LSM14A: variants seen among roughly 807,000 people sequenced by gnomAD.
LSM14A encodes the protein protein LSM14 homolog A.
LSM14A carries 14 observed loss-of-function variants against 52.4 expected under a neutral mutation model. That is an observed-to-expected ratio of 0.27 (90% CI 0.18 to 0.42). The LOEUF is 0.42. Among genes scored for constraint, LSM14A ranks in the 10% least tolerant of loss-of-function variants. The pLI is 1.00. For synonymous variants in LSM14A, 185 were observed against 200.3 expected, an observed-to-expected ratio of 0.92 and a Z score of 0.64; for missense variants, 417 against 581.8, an observed-to-expected ratio of 0.72 and a Z score of 2.91.
intron 6 of LSM14A, among the ~76,000 whole-genome samples, chr19:34,218,825 A>T (rs2145863187): frequency 6.6e-6 from 1 of 152,286 alleles, no homozygotes. Context: ...CACAGTAAAG[A>T]TGGAGTAGGA....
intron 6 of LSM14A, among the ~76,000 whole-genome samples, chr19:34,217,415 T>C (rs1017138252): frequency 6.6e-6 from 1 of 151,556 alleles, no homozygotes; most frequent in Non-Finnish European, 1.5e-5. Context: ...TTTATTAATA[T>C]TTTCAAATTT....
chr19:34,224,048 G>A (rs746607820), intron 9 of LSM14A, among the ~76,000 whole-genome samples: 1 of 152,188 alleles, frequency 6.6e-6, no homozygotes, highest in Non-Finnish European at 1.5e-5. Context: ...TACAATCTCA[G>A]CTGGGCGTGG....
At chr19:34,215,547 G>A (rs2072515756) in intron 5 of LSM14A, 49 bp from the exon 6 acceptor site, 1 of 1,439,780 alleles carries the variant, frequency 6.9e-7, no homozygotes. Flanking sequence ...GGAAGTTTTT[G>A]ATGATGTACC....
At chr19:34,216,858 G>A (rs761460355) in intron 6 of LSM14A, among the ~76,000 whole-genome samples, 18 of 152,126 alleles carry the variant, frequency 1.2e-4, no homozygotes, top group Non-Finnish European at 2.4e-4. Flanking sequence ...TGGTTTTTAT[G>A]TTTTGTGTCA....
chr19:34,185,134 G>T (rs538202423), intron 1 of LSM14A, among the ~76,000 whole-genome samples: 1 of 152,118 alleles, frequency 6.6e-6, no homozygotes, highest in Non-Finnish European at 1.5e-5. Flanking sequence ...TTTTTCAGTC[G>T]AAGATGATGT....
chr19:34,184,154 C>T (rs763710277), intron 1 of LSM14A, among the ~76,000 whole-genome samples: 2 of 149,518 alleles, frequency 1.3e-5, no homozygotes, highest in African/African-American at 2.5e-5. Context: ...CTCCCGGGTT[C>T]AAGTGATTCT....
intron 9 of LSM14A, 143 bp from the exon 10 acceptor site, chr19:34,227,222 G>A: frequency 1.5e-6 from 1 of 655,960 alleles, no homozygotes; most frequent in Non-Finnish European, 2.7e-6. Context: ...GAGTTTCGTG[G>A]AAATGAGTGA....
At chr19:34,187,288 T>A (rs565588562) in intron 1 of LSM14A, among the ~76,000 whole-genome samples, 1 of 151,792 alleles carries the variant, frequency 6.6e-6, no homozygotes, top group Non-Finnish European at 1.5e-5. Context: ...AAATTTTTTT[T>A]TTTTTCTTTT....
In LSM14A at chr19:34,187,280, A is replaced by AC. The variant is rs1460688879; in HGVS notation, c.122-7198_122-7197insC. On this transcript the variant is annotated intron_variant, in intron 1 of 9. Transcript: ENST00000544216. ...AAAAAAAAAGTTCAGGCTTTGGGAA[A>AC]TTTTTTTTTTTTTCTTTTGAGACAG... Among the ~76,000 whole-genome samples, 3 of 145,808 alleles carry AC rather than the reference A, an allele frequency of 2.1e-5. No individual in the cohort carries two copies. The East Asian group carries it at 6.0e-4, about 29-fold the overall frequency.
intron 1 of LSM14A, among the ~76,000 whole-genome samples, chr19:34,188,431 G>C (rs911572693): frequency 6.6e-6 from 1 of 152,128 alleles, no homozygotes; most frequent in African/African-American, 2.4e-5. Flanking sequence ...TGTATTTGTA[G>C]GTGTGTGCGC....
chr19:34,182,963 T>A (rs2069603548), intron 1 of LSM14A, among the ~76,000 whole-genome samples: 1 of 152,034 alleles, frequency 6.6e-6, no homozygotes, highest in South Asian at 2.1e-4. Flanking sequence ...AGATAATTTC[T>A]ATCTTGCCTC....
intron 1 of LSM14A, among the ~76,000 whole-genome samples, chr19:34,177,002 C>A (rs148424674): frequency 2.6e-5 from 4 of 152,190 alleles, no homozygotes; most frequent in African/African-American, 9.7e-5. Flanking sequence ...TAGTTTTAAT[C>A]ATTTCCCTCA....
intron 7 of LSM14A, 28 bp from the exon 8 acceptor site, chr19:34,219,678 C>T (rs2072921743): frequency 1.3e-6 from 2 of 1,594,198 alleles, no homozygotes; most frequent in African/African-American, 2.7e-5. Flanking sequence ...GCTGTCTTGA[C>T]TTTTCTGATA....
intron 3 of LSM14A, among the ~76,000 whole-genome samples, chr19:34,205,656 TG>T (rs1231438992): frequency 6.6e-6 from 1 of 151,806 alleles, no homozygotes; most frequent in Non-Finnish European, 1.5e-5. Context: ...CCTTCTAGCC[TG>T]GGTGACAGAG....
chr19:34,175,638 T>G (rs1278957248), intron 1 of LSM14A, among the ~76,000 whole-genome samples: 1 of 152,230 alleles, frequency 6.6e-6, no homozygotes, highest in Non-Finnish European at 1.5e-5. Flanking sequence ...CTACATGATA[T>G]TATCTAATCG....
intron 5 of LSM14A, 36 bp downstream of exon 5, chr19:34,215,336 T>C: frequency 1.3e-6 from 2 of 1,535,844 alleles, no homozygotes; most frequent in East Asian, 4.6e-5. Flanking sequence ...CTTAATTGAC[T>C]GATCAATGTT....
chr19:34,215,458 T>A, intron 5 of LSM14A, 138 bp from the exon 6 acceptor site: 1 of 1,084,166 alleles, frequency 9.2e-7, no homozygotes, highest in South Asian at 1.5e-5. Context: ...AAAGTGGTGG[T>A]GGTGTGGGTA....
chr19:34,187,078 A>T (rs1202189003), intron 1 of LSM14A, among the ~76,000 whole-genome samples: 3 of 38,914 alleles, frequency 7.7e-5, no homozygotes, highest in Admixed American at 1.8e-4. Context: ...TCTCTAATTT[A>T]AAAAAAAAAA....
chr19:34,196,987 G>GT (rs1180482496), intron 3 of LSM14A, among the ~76,000 whole-genome samples: 3 of 149,580 alleles, frequency 2.0e-5, no homozygotes, highest in African/African-American at 4.9e-5. Context: ...TTTTTACTAG[G>GT]TAAAAAAAAA....
Sources: allele counts gnomAD v4.1 joint callset (sites outside exome capture counted in the v4.1 genomes callset), GRCh38; gene constraint gnomAD v4.1.1; transcripts MANE v1.5; gene names NCBI Gene and HGNC (gene_info 2026-07-23, HGNC 2026-07-21).